Variants in TNFAIP2 observed in about 807,000 individuals in gnomAD.
The protein encoded by TNFAIP2 is tumor necrosis factor alpha-induced protein 2.
TNFAIP2 carries 47 observed loss-of-function variants against 63.5 expected under a neutral mutation model. The ratio of observed to expected loss-of-function variants is 0.74; its 90% confidence interval spans 0.59 to 0.94. TNFAIP2 has a LOEUF of 0.94. Ranked by LOEUF, TNFAIP2 falls within the 40% of genes least tolerant of loss-of-function variation. TNFAIP2 has a pLI of 0.00. For missense variants in TNFAIP2, 787 were observed against 850.2 expected (o/e 0.93, Z 0.92); for synonymous variants, 405 against 390.2 (o/e 1.04, Z -0.45).
In TNFAIP2 at chr14:103,131,589, G is replaced by T. The variant is rs762983370; in HGVS notation, c.1299-50G>T. On this transcript the variant is annotated intron_variant, in intron 7 of 11. Transcript: ENST00000560869. This position sits in a 1 kb window ranked among gnomAD's most constrained non-coding sequence, Gnocchi z 4.0. ...GGGCTGTCTGGCTCCCTGGGTATGG[G>T]GCTATAGGCTGAGCAGGGCTGGGGT... The T allele has an allele frequency of 4.5e-6, 7 of 1,542,910 alleles. No homozygotes were observed. The African/African-American group carries it at 8.1e-5, about 18-fold the overall frequency.
intron 11 of TNFAIP2, among the ~76,000 whole-genome samples, chr14:103,134,682 C>T (rs1454270483): frequency 6.6e-6 from 1 of 151,698 alleles, no homozygotes; most frequent in East Asian, 1.9e-4. Context: ...CACCCACCAT[C>T]CATCTACCTA....
intron 2 of TNFAIP2, 86 bp downstream of exon 2, chr14:103,126,778 G>A (rs1195506505): frequency 2.1e-6 from 3 of 1,399,948 alleles, no homozygotes; most frequent in Non-Finnish European, 2.9e-6. Context: ...TGCACAGTGG[G>A]CCGGCAAGTG....
chr14:103,129,123 G>A (rs1161829401), intron 3 of TNFAIP2, among the ~76,000 whole-genome samples: 1 of 152,208 alleles, frequency 6.6e-6, no homozygotes, highest in Non-Finnish European at 1.5e-5. Flanking sequence ...GCCAAGATGC[G>A]TCTGTGGAGC....
intron 8 of TNFAIP2, 29 bp from the exon 9 acceptor site, chr14:103,132,721 G>C: frequency 6.2e-7 from 1 of 1,605,942 alleles, no homozygotes; most frequent in Non-Finnish European, 8.5e-7. Flanking sequence ...TCCAGGGCGT[G>C]ACTAGACATC....
rs2087859155 is a variant in TNFAIP2, at chr14:103,126,652, A to C, written c.195A>C (p.Ala65=). ...CCAGCTCAGCGGAGCCCGAGGACGC[A>C]GCCGGGTCCAGGCAGGGGCTGGATG... ...GQPSSAEPED[A]AGSRQGLDGP... is the part of the protein sequence containing the mutation. Residue 65 remains alanine, a synonymous_variant, in exon 2 of 12, where the codon GCA becomes GCC. Coordinates refer to ENST00000560869, the MANE Select transcript of TNFAIP2 (RefSeq NM_006291.4). 3.2e-6 allele frequency: 5 copies of C among 1,556,012 alleles called. No homozygotes were observed. Among genetic ancestry groups the C allele is most frequent in the African/African-American group, 1.4e-5 (1 of 73,956 alleles).
Position 103,135,459 on chromosome 14 carries a change from G to A in TNFAIP2, c.*99G>A. The A allele has an allele frequency of 6.6e-7, 1 of 1,511,846 alleles. No individual in the cohort carries two copies. Among genetic ancestry groups the A allele is most frequent in the Non-Finnish European group, 8.8e-7 (1 of 1,138,894 alleles). The allele number at this position is 1,511,846 out of a possible 1,614,324, so 93.7% of individuals were successfully genotyped here. On this transcript the variant is annotated 3_prime_UTR_variant, in exon 12 of 12. Coordinates refer to ENST00000560869, the MANE Select transcript of TNFAIP2 (RefSeq NM_006291.4). The surrounding 1 kb of genome is among the most constrained non-coding windows in gnomAD (Gnocchi z 7.6). ...CAGCGCTGGTTCTCGGTTCCTCCCG[G>A]GTCTCCTGTGCTCTGATGCTACTTC...
At chr14:103,125,020 C>T (rs904032036) in intron 1 of TNFAIP2, among the ~76,000 whole-genome samples, 1 of 152,228 alleles carries the variant, frequency 6.6e-6, no homozygotes, top group Non-Finnish European at 1.5e-5. Flanking sequence ...CCAGTCTGAG[C>T]CTCCATGGCT....
Position 103,126,654 on chromosome 14 carries a change from C to A in TNFAIP2, c.197C>A (p.Ala66Asp), listed in dbSNP as rs201117344. 7.8e-5 allele frequency: 121 copies of A among 1,556,152 alleles called. No homozygotes were observed. In the African/African-American group the frequency reaches 1.5e-3, roughly 19 times the overall value. ...QPSSAEPEDA[A>D]GSRQGLDGPP... ...AGCTCAGCGGAGCCCGAGGACGCAG[C>A]CGGGTCCAGGCAGGGGCTGGATGGC... Residue 66 changes from alanine (A) to aspartate (D), a missense_variant, in exon 2 of 12, where the codon GCC becomes GAC. Ala to Asp is a moderately radical substitution (Grantham distance 126). Transcript: ENST00000560869.
In TNFAIP2 at chr14:103,127,346, G is replaced by A; in HGVS notation, c.577G>A (p.Gly193Ser). 1.6e-6 allele frequency: 2 copies of A among 1,226,100 alleles called. No individual in the cohort carries two copies. Among genetic ancestry groups the A allele is most frequent in the Non-Finnish European group, 2.0e-6 (2 of 978,998 alleles). The allele number at this position is 1,226,100 out of a possible 1,614,324, so 76.0% of individuals were successfully genotyped here. A position where few individuals can be genotyped will look rare whatever the true frequency, so the allele number is the denominator to read the frequency against. Reference protein sequence around the residue: ...PRRWLQLWRRGVAEAAEERMG... With the variant: ...PRRWLQLWRRSVAEAAEERMG... The stretch of plus-strand genomic sequence containing the variant: ...GCGCTGGCTGCAGCTGTGGCGGCGC[G>A]GCGTGGCGGAGGCGGCCGAGGAGCG... The change falls in exon 3 of 12, where the codon GGC (glycine) becomes AGC (serine). Residue 193 changes from glycine to serine, a missense_variant. Physicochemically the swap from Gly to Ser is moderately conservative, Grantham distance 56. This residue lies in a region of TNFAIP2 where 6 missense variants were observed against 17.2 expected (regional missense o/e 0.35). Coordinates refer to ENST00000560869, the MANE Select transcript of TNFAIP2 (RefSeq NM_006291.4). The surrounding 1 kb of genome is among the most constrained non-coding windows in gnomAD (Gnocchi z 5.1).
At chr14:103,129,551 G>T (rs1412507808) in intron 3 of TNFAIP2, among the ~76,000 whole-genome samples, 189 bp from the exon 4 acceptor site, 3 of 151,906 alleles carry the variant, frequency 2.0e-5, no homozygotes, top group South Asian at 4.1e-4. Flanking sequence ...TGACTTCAGA[G>T]TTTCTGTTCC....
chr14:103,133,844 G>A, intron 11 of TNFAIP2, 41 bp downstream of exon 11: 1 of 1,556,412 alleles, frequency 6.4e-7, no homozygotes, highest in Non-Finnish European at 8.6e-7. Context: ...TCACATCACT[G>A]TGGCCAAGGC....
At position 103,131,717 on chromosome 14, in the gene TNFAIP2, C is replaced by T; in HGVS notation, c.1377C>T (p.Ser459=). Residue 459 remains serine, a synonymous_variant, in exon 8 of 12, where the codon AGC becomes AGT. Transcript: ENST00000560869. This position sits in a 1 kb window ranked among gnomAD's most constrained non-coding sequence, Gnocchi z 4.0. ...TGGGCCCCCTGGGTGAGCTCAAGAG[C>T]CACGGCTTTGACACCCTGCTCCAGA... ...LLLGPLGELK[S]HGFDTLLQNL... The T allele has an allele frequency of 6.2e-7, 1 of 1,611,682 alleles. No individual in the cohort carries two copies. Among genetic ancestry groups the T allele is most frequent in the Non-Finnish European group, 8.5e-7 (1 of 1,179,764 alleles).
At position 103,136,046 on chromosome 14, in the gene TNFAIP2, C is replaced by G. The variant is rs1301446028; in HGVS notation, c.*686C>G. ...CCCAAGGCCTCAACTAGAGGGTGGT[C>G]CCCCGAGGGCTTGGTGTCTACTACC... On this transcript the variant is annotated 3_prime_UTR_variant, in exon 12 of 12. Transcript: ENST00000560869. 1.6e-6 allele frequency: 2 copies of G among 1,254,868 alleles called. No homozygotes were observed. Among genetic ancestry groups the G allele is most frequent in the South Asian group, 2.6e-5 (2 of 76,814 alleles). The allele number at this position is 1,254,868 out of a possible 1,614,324, so 77.7% of individuals were successfully genotyped here. A position where few individuals can be genotyped will look rare whatever the true frequency, so the allele number is the denominator to read the frequency against.
At chr14:103,125,866 G>A (rs2087842569) in intron 1 of TNFAIP2, among the ~76,000 whole-genome samples, 2 of 152,168 alleles carry the variant, frequency 1.3e-5, no homozygotes, top group South Asian at 2.1e-4. Flanking sequence ...TCTAGACCCC[G>A]GCATGTCCCA....
Position 103,123,699 on chromosome 14 carries a change from G to A in TNFAIP2, c.-401G>A, listed in dbSNP as rs2087793780. 3 of 152,366 alleles carry A rather than the reference G, an allele frequency of 2.0e-5. No individual in the cohort carries two copies. The highest frequency in any genetic ancestry group is 1.5e-5 in the Non-Finnish European group (1 of 68,136). 9.4% of individuals were successfully genotyped at this position (152,366 alleles called of 1,614,324 possible). A position where few individuals can be genotyped will look rare whatever the true frequency, so the allele number is the denominator to read the frequency against. On this transcript the variant is annotated 5_prime_UTR_variant, in exon 1 of 12. Transcript: ENST00000560869. ...GGGGCCAAGGCTGGCTGAGGGCCCG[G>A]GCCTGCCAGAGGCAGGGAGGGCGGG...
intron 9 of TNFAIP2, 70 bp downstream of exon 9, chr14:103,132,942 G>C: frequency 1.3e-6 from 2 of 1,595,358 alleles, no homozygotes; most frequent in Admixed American, 1.8e-5. Flanking sequence ...ACACTAGCAC[G>C]TCTGTGTACA....
chr14:103,124,969 G>A (rs2087823322), intron 1 of TNFAIP2, among the ~76,000 whole-genome samples: 1 of 152,250 alleles, frequency 6.6e-6, no homozygotes, highest in South Asian at 2.1e-4. Context: ...GGGTAGTGGG[G>A]CTGGTGGAGG....
rs1402958970 is a variant in TNFAIP2 at position 103,135,258 on chromosome 14, C to T, written c.1863C>T (p.Asn621=). The T allele has an allele frequency of 5.0e-6, 8 of 1,614,034 alleles. No individual in the cohort carries two copies. The highest frequency in any genetic ancestry group is 5.9e-6 in the Non-Finnish European group (7 of 1,180,028). Residue 621 remains asparagine, a synonymous_variant, in exon 12 of 12, where the codon AAC becomes AAT. Transcript: ENST00000560869. The surrounding 1 kb of genome is among the most constrained non-coding windows in gnomAD (Gnocchi z 7.6). ...GCGCTATCCTGGCCATCAAGGGGAA[C>T]CTATCCAACAGTGAGGTCAAGCGCA... The part of the protein sequence containing the change: ...HLSAILAIKG[N]LSNSEVKRIR...
chr14:103,133,431 G>A lies in TNFAIP2; in HGVS notation c.1615G>A (p.Val539Ile). 6.2e-7 allele frequency: 1 copy of A among 1,613,984 alleles called. No individual in the cohort carries two copies. The highest frequency in any genetic ancestry group is 1.1e-5 in the South Asian group (1 of 91,086). ...CATCCAACTCAGCAAGGGGCGCCTG[G>A]TCCTCAAGACGGCCGAGCAGCAGCA... ...YIIQLSKGRL[V>I]LKTAEQQQQL... The change falls in exon 10 of 12, where the codon GTC (valine) becomes ATC (isoleucine). Residue 539 changes from valine to isoleucine, a missense_variant. Around this residue, in one of 3 missense-constraint regions of TNFAIP2, gnomAD observed 523 missense variants for 604.1 expected, o/e 0.87. Transcript: ENST00000560869.
Sources: gnomAD v4.1 joint callset for allele counts (sites outside exome capture counted in the v4.1 genomes callset) on GRCh38, gnomAD v4.1.1 for gene constraint, gnomAD v4.1.1 regional missense constraint, Gnocchi (gnomAD v3.1) non-coding constraint, MANE v1.5 for transcripts, NCBI Gene and HGNC (gene_info 2026-07-23, HGNC 2026-07-21) for gene names.